Variants in LONP1 observed in about 807,000 individuals in gnomAD.
LONP1 encodes lon peptidase 1, mitochondrial.
Under a neutral mutation model 98.5 loss-of-function variants are expected in LONP1, and 31 were observed. That is an observed-to-expected ratio of 0.31 (90% confidence interval 0.24 to 0.42). LONP1 has a LOEUF of 0.42. Among genes scored for constraint, LONP1 ranks in the 20% least tolerant of loss-of-function variants. The pLI is 1.00. For synonymous variants in LONP1, 781 were observed against 594.7 expected (o/e 1.31, Z -4.56); for missense variants, 1,336 against 1,350.6 (o/e 0.99, Z 0.17).
At chr19:5,719,330 C>G (rs1448942401) in intron 1 of LONP1, among the ~76,000 whole-genome samples, 1 of 152,214 alleles carries the variant, frequency 6.6e-6, no homozygotes, top group Non-Finnish European at 1.5e-5. Flanking sequence ...GGCTCGTAAC[C>G]AGACGGCAGA....
intron 10 of LONP1, among the ~76,000 whole-genome samples, chr19:5,697,194 A>C (rs2054948452): frequency 6.6e-6 from 1 of 152,104 alleles, no homozygotes; most frequent in African/African-American, 2.4e-5. Context: ...CCGGCCCGCG[A>C]CAGGGACAGA....
At chr19:5,714,150 T>C in intron 2 of LONP1, 33 bp downstream of exon 2, 1 of 1,558,960 alleles carries the variant, frequency 6.4e-7, no homozygotes, top group South Asian at 1.1e-5. Context: ...TAGGGCACCG[T>C]CAACAAGGGA....
chr19:5,705,747 G>A, intron 8 of LONP1, 25 bp downstream of exon 8: 1 of 1,609,456 alleles, frequency 6.2e-7, no homozygotes, highest in Non-Finnish European at 8.5e-7. Flanking sequence ...CCTGAGGGCT[G>A]GGCCGCCCCG....
At position 5,700,783 on chromosome 19, in the gene LONP1, G is replaced by A. The variant is rs1451252828; in HGVS notation, c.1506+6C>T. 9.9e-6 allele frequency: 16 copies of A among 1,614,092 alleles called. No homozygotes were observed. Among genetic ancestry groups the A allele is most frequent in the Admixed American group, 1.7e-5 (1 of 60,022 alleles). On this transcript the variant is annotated splice_donor_region_variant and intron_variant, in intron 9 of 17. Coordinates refer to ENST00000360614, the MANE Select transcript of LONP1 (RefSeq NM_004793.4). Reference sequence around the variant, plus strand: ...AAATCCACAACAGGCCAGACACTGGGCTCACCAGGATGCGTTTCTTGACGT... The same window carrying A: ...AAATCCACAACAGGCCAGACACTGGACTCACCAGGATGCGTTTCTTGACGT...
At chr19:5,711,605 G>A (rs2055237615) in intron 4 of LONP1, among the ~76,000 whole-genome samples, 166 bp downstream of exon 4, 1 of 152,186 alleles carries the variant, frequency 6.6e-6, no homozygotes, top group South Asian at 2.1e-4. Context: ...AGACCTCTGG[G>A]AGGAAAAGCA....
At chr19:5,715,859 G>A (rs1031507797) in intron 1 of LONP1, among the ~76,000 whole-genome samples, 3 of 151,748 alleles carry the variant, frequency 2.0e-5, no homozygotes, top group Non-Finnish European at 4.4e-5. Context: ...GTTTCGCCAT[G>A]AGCCACCATG....
chr19:5,713,245 G>A lies in LONP1; in HGVS notation c.527C>T (p.Ser176Leu), dbSNP rs139555567. The change falls in exon 3 of 18, where the codon TCG becomes TTG. Residue 176 changes from serine (S) to leucine (L), a missense_variant. This residue lies in a region of LONP1 where 457 missense variants were observed against 403.1 expected (regional missense o/e 1.13). Coordinates refer to ENST00000360614, the MANE Select transcript of LONP1 (RefSeq NM_004793.4). The stretch of plus-strand genomic sequence containing the variant: ...TTCATCCAGGCTCTCGACCACATCC[G>A]ACTCATTGCTGTGGGAGAAGAGCAC... Reference protein sequence around the residue: ...VFLKRDDSNESDVVESLDEIY... With the variant: ...VFLKRDDSNELDVVESLDEIY... The A allele has an allele frequency of 1.0e-4, 166 of 1,613,480 alleles. No homozygotes were observed. The African/African-American group carries it at 1.6e-3, about 15-fold the overall frequency.
intron 5 of LONP1, 147 bp from the exon 6 acceptor site, chr19:5,707,973 G>T: frequency 1.1e-6 from 1 of 913,140 alleles, no homozygotes; most frequent in Non-Finnish European, 1.6e-6. Context: ...CAGCTCTGCT[G>T]CTTGTTCTCC....
intron 4 of LONP1, among the ~76,000 whole-genome samples, chr19:5,711,547 C>A (rs542369411): frequency 6.6e-6 from 1 of 152,224 alleles, no homozygotes; most frequent in African/African-American, 2.4e-5. Context: ...TGAGCAGCTA[C>A]AGGCTCCAGC....
At chr19:5,699,483 C>T (rs762843888) in intron 9 of LONP1, among the ~76,000 whole-genome samples, 2 of 152,068 alleles carry the variant, frequency 1.3e-5, no homozygotes, top group African/African-American at 4.8e-5. Context: ...TTCCCGGGAC[C>T]CTGAAGACCG....
Position 5,693,334 on chromosome 19 carries a change from G to A in LONP1, c.2667C>T (p.Ile889=), listed in dbSNP as rs548559224. 2 of 1,613,322 alleles carry A rather than the reference G, an allele frequency of 1.2e-6. No individual in the cohort carries two copies. Among genetic ancestry groups the A allele is most frequent in the East Asian group, 2.2e-5 (1 of 44,832 alleles). ...MTGEVSLTGK[I]LPVGGIKEKT... is the part of the protein sequence containing the mutation. ...TCTCCTTGATGCCACCAACAGGCAG[G>A]ATCTTGCCCGTGAGGGAGACTTCGC... The change falls in exon 17 of 18, where the codon ATC becomes ATT. Residue 889 remains isoleucine, a synonymous_variant. Coordinates refer to ENST00000360614, the MANE Select transcript of LONP1 (RefSeq NM_004793.4).
At chr19:5,706,269 T>C (rs1348835323) in intron 7 of LONP1, among the ~76,000 whole-genome samples, 1 of 151,106 alleles carries the variant, frequency 6.6e-6, no homozygotes, top group African/African-American at 2.4e-5. Flanking sequence ...CCTGAGTAAC[T>C]GGGACCACAG....
intron 9 of LONP1, among the ~76,000 whole-genome samples, chr19:5,700,262 C>T (rs1568316853): frequency 6.6e-6 from 1 of 152,078 alleles, no homozygotes; most frequent in Non-Finnish European, 1.5e-5. Context: ...TACAGGCATG[C>T]GCCACCACGC....
intron 4 of LONP1, 58 bp from the exon 5 acceptor site, chr19:5,708,461 T>TGGGGGGG: frequency 2.6e-6 from 1 of 384,130 alleles, no homozygotes; most frequent in Non-Finnish European, 5.1e-6. Flanking sequence ...GGGGGTGGGC[T>TGGGGGGG]GGGTGGGAGC....
chr19:5,715,659 A>T lies in LONP1; in HGVS notation c.430-1388T>A, dbSNP rs1360684236. Among the ~76,000 whole-genome samples the T allele has an allele frequency of 9.8e-4, 113 of 114,820 alleles. 2 individuals carry two copies. Among genetic ancestry groups the T allele is most frequent in the African/African-American group, 3.6e-3 (106 of 29,354 alleles). The allele number at this position is 114,820 out of a possible 152,430, so 75.3% of individuals were successfully genotyped here. ...TCTGTCTCATAAAAAAAAAAAAAAA[A>T]AAAAAAAAAAAAAAAAAAAAGAAAG... On this transcript the variant is annotated intron_variant, in intron 1 of 17. Transcript: ENST00000360614.
chr19:5,707,335 A>AC lies in LONP1; in HGVS notation c.1063-193dup, dbSNP rs556869379. ...TGGAAACGCATCCTACGGATACTTC[A>AC]CAGGCCCTCCAGCTGCGTGCATGGG... On this transcript the variant is annotated intron_variant, in intron 6 of 17. Transcript: ENST00000360614. Among the ~76,000 whole-genome samples, 28 of 152,242 alleles carry AC rather than the reference A, an allele frequency of 1.8e-4. No individual in the cohort carries two copies. In the South Asian group the frequency reaches 5.8e-3, roughly 32 times the overall value.
chr19:5,719,869 GCCCTCGGAGGCGTCCTCGCCC>G lies in LONP1; in HGVS notation c.243_263del (p.Glu83_Gly89del), dbSNP rs2055404028. On this transcript the variant is annotated inframe_deletion, in exon 1 of 18. Transcript: ENST00000360614. Reference sequence around the variant, plus strand: ...CGCCGCCGGCTCCTTCCTCCGCGCCGCCCTCGGAGGCGTCCTCGCCCCCCGAGAATGCGCCTCCGCCGCGGC... The same window carrying G: ...CGCCGCCGGCTCCTTCCTCCGCGCCGCCCGAGAATGCGCCTCCGCCGCGGC... 8.8e-6 allele frequency: 14 copies of G among 1,588,538 alleles called. No individual in the cohort carries two copies. Among genetic ancestry groups the G allele is most frequent in the Non-Finnish European group, 1.2e-5 (14 of 1,167,980 alleles).
chr19:5,709,513 A>C (rs764068061), intron 4 of LONP1, among the ~76,000 whole-genome samples: 3 of 151,916 alleles, frequency 2.0e-5, no homozygotes, highest in African/African-American at 2.4e-5. Flanking sequence ...AAGAAACCGT[A>C]ATCACCTGGT....
intron 2 of LONP1, 44 bp downstream of exon 2, chr19:5,714,139 C>G (rs1477670123): frequency 6.7e-7 from 1 of 1,489,708 alleles, no homozygotes; most frequent in South Asian, 1.1e-5. Flanking sequence ...GAGCTGGACT[C>G]TAGGGCACCG....
Sources: gnomAD v4.1 joint callset for allele counts (sites outside exome capture counted in the v4.1 genomes callset) on GRCh38, gnomAD v4.1.1 for gene constraint, gnomAD v4.1.1 regional missense constraint, MANE v1.5 for transcripts, NCBI Gene and HGNC (gene_info 2026-07-23, HGNC 2026-07-21) for gene names.